OVOL2: variants seen among roughly 807,000 people sequenced by gnomAD.
OVOL2 encodes the protein transcription factor Ovo-like 2.
Under a neutral mutation model 18.1 loss-of-function variants are expected in OVOL2, and 13 were observed. The ratio of observed to expected loss-of-function variants is 0.72; its 90% confidence interval spans 0.47 to 1.14. The LOEUF is 1.14. Ranked by LOEUF, OVOL2 falls within the 50% of genes most tolerant of loss-of-function variation. The pLI is 0.00. For missense variants in OVOL2, 335 were observed against 383.0 expected (o/e 0.87, Z 1.05); for synonymous variants, 166 against 162.7 (o/e 1.02, Z -0.16).
In OVOL2 at chr20:18,056,718, G is replaced by A. The variant is rs756995088; in HGVS notation, c.260C>T (p.Ala87Val). 1 of 1,463,774 alleles carries A rather than the reference G, an allele frequency of 6.8e-7. No homozygotes were observed. The highest frequency in any genetic ancestry group is 9.0e-7 in the Non-Finnish European group (1 of 1,113,934). 90.7% of individuals were successfully genotyped at this position (1,463,774 alleles called of 1,614,324 possible). Residue 87 changes from alanine (A) to valine (V), a missense_variant, in exon 2 of 4, where the codon GCC (alanine) becomes GTC (valine). Transcript: ENST00000278780. The surrounding 1 kb of genome is among the most constrained non-coding windows in gnomAD (Gnocchi z 4.2). ...PESETPEPGD[A>V]EGPDGHLATK... Reference sequence around the variant, plus strand: ...CGCCAGGTGTCCATCGGGGCCCTCGGCGTCGCCGGGCTCGGGGGTTTCGCT... The same window carrying A: ...CGCCAGGTGTCCATCGGGGCCCTCGACGTCGCCGGGCTCGGGGGTTTCGCT...
intron 3 of OVOL2, among the ~76,000 whole-genome samples, chr20:18,038,108 C>G (rs997553143): frequency 2.0e-5 from 3 of 152,200 alleles, no homozygotes; most frequent in Non-Finnish European, 4.4e-5. Context: ...GCATGTGCCA[C>G]TTTTTCTTCT....
Position 18,053,995 on chromosome 20 carries a change from C to T in OVOL2, c.321+2662G>A, listed in dbSNP as rs543390042. Among the ~76,000 whole-genome samples, 4 of 152,308 alleles carry T rather than the reference C, an allele frequency of 2.6e-5. No individual in the cohort carries two copies. The South Asian group carries it at 8.3e-4, about 32-fold the overall frequency. On this transcript the variant is annotated intron_variant, in intron 2 of 3. Transcript: ENST00000278780. Reference sequence around the variant, plus strand: ...CCCTTCTCCCCAGCCTTCAAATCCACATCAGGACACTTTCCCCACTCAAAT... The same window carrying T: ...CCCTTCTCCCCAGCCTTCAAATCCATATCAGGACACTTTCCCCACTCAAAT...
At position 18,057,623 on chromosome 20, in the gene OVOL2, G is replaced by A; in HGVS notation, c.12C>T (p.Val4=). 6.3e-7 allele frequency: 1 copy of A among 1,586,010 alleles called. No homozygotes were observed. Among genetic ancestry groups the A allele is most frequent in the Non-Finnish European group, 8.6e-7 (1 of 1,165,700 alleles). The change falls in exon 1 of 4, where the codon GTC becomes GTT. Residue 4 remains valine (V), a synonymous_variant. Coordinates refer to ENST00000278780, the MANE Select transcript of OVOL2 (RefSeq NM_021220.4). This position sits in a 1 kb window ranked among gnomAD's most constrained non-coding sequence, Gnocchi z 6.3. MPK[V]FLVKRRSLGV... Reference sequence around the variant, plus strand: ...CCAGGCTCCTCCTCTTCACCAGGAAGACTTTGGGCATGGTGGGGTCCCCTC... The same window carrying A: ...CCAGGCTCCTCCTCTTCACCAGGAAAACTTTGGGCATGGTGGGGTCCCCTC...
chr20:18,044,859 A>T (rs2036710857), intron 2 of OVOL2, among the ~76,000 whole-genome samples: 1 of 152,150 alleles, frequency 6.6e-6, no homozygotes, highest in African/African-American at 2.4e-5. Flanking sequence ...GAAAGAGGGA[A>T]CTGTGTGTGG....
chr20:18,041,755 G>GGCA, intron 2 of OVOL2, 32 bp from the exon 3 acceptor site: 8 of 1,589,874 alleles, frequency 5.0e-6, no homozygotes, highest in Non-Finnish European at 6.0e-6. Flanking sequence ...GAGGGTCCCC[G>GGCA]GGCAGGCAGG....
In OVOL2 at chr20:18,057,798, C is replaced by T. The variant is rs542675172; in HGVS notation, c.-164G>A. On this transcript the variant is annotated 5_prime_UTR_variant, in exon 1 of 4. Transcript: ENST00000278780. The surrounding 1 kb of genome is among the most constrained non-coding windows in gnomAD (Gnocchi z 6.3). Reference sequence around the variant, plus strand: ...CCGCGGCGCGGCCCAGGCCTCTCCCCCGCACGCCTGGCGACTCCCAGCCTC... The same window carrying T: ...CCGCGGCGCGGCCCAGGCCTCTCCCTCGCACGCCTGGCGACTCCCAGCCTC... The T allele has an allele frequency of 5.2e-5, 72 of 1,375,066 alleles. No individual in the cohort carries two copies. The South Asian group carries it at 1.2e-3, about 23-fold the overall frequency. 85.2% of individuals were successfully genotyped at this position (1,375,066 alleles called of 1,614,324 possible).
At chr20:18,050,200 G>A (rs2036760422) in intron 2 of OVOL2, among the ~76,000 whole-genome samples, 1 of 152,192 alleles carries the variant, frequency 6.6e-6, no homozygotes, top group African/African-American at 2.4e-5. Flanking sequence ...ACGCTTCCCT[G>A]ACTCCCTTGC....
At chr20:18,038,972 A>G (rs1200171296) in intron 3 of OVOL2, among the ~76,000 whole-genome samples, 1 of 152,108 alleles carries the variant, frequency 6.6e-6, no homozygotes, top group Non-Finnish European at 1.5e-5. Flanking sequence ...ACCCCCACCC[A>G]ATGGCCAGCT....
chr20:18,053,701 C>CAA (rs3078037), intron 2 of OVOL2, among the ~76,000 whole-genome samples: 6 of 107,000 alleles, frequency 5.6e-5, no homozygotes, highest in East Asian at 3.1e-4. Context: ...GACTCTGTCT[C>CAA]AAAAAAAAAA....
rs528829362 is a variant in OVOL2, at chr20:18,026,930, G to A, written c.512-1978C>T. ...GATGGGACTTAAAGGTGGAACAACA[G>A]ACGCTGGGGACTACCAGAGGGCGGA... On this transcript the variant is annotated intron_variant, in intron 3 of 3. Coordinates refer to ENST00000278780, the MANE Select transcript of OVOL2 (RefSeq NM_021220.4). 9.2e-5 allele frequency among the ~76,000 whole-genome samples: 14 copies of A among 152,214 alleles called. No individual in the cohort carries two copies. In the South Asian group the frequency reaches 2.7e-3, roughly 29 times the overall value.
intron 3 of OVOL2, among the ~76,000 whole-genome samples, chr20:18,026,293 G>A (rs969139328): frequency 2.6e-5 from 4 of 152,104 alleles, no homozygotes; most frequent in African/African-American, 4.8e-5. Context: ...ACTTGCCAGA[G>A]CCTCAGAATC....
At chr20:18,052,690 G>T (rs1020570683) in intron 2 of OVOL2, among the ~76,000 whole-genome samples, 60 of 152,188 alleles carry the variant, frequency 3.9e-4, no homozygotes, top group Admixed American at 4.6e-4. Context: ...GCATACTTTT[G>T]AAAGAATCTA....
intron 3 of OVOL2, among the ~76,000 whole-genome samples, chr20:18,026,473 T>C (rs6111798): frequency 0.13 from 20,155 of 150,186 alleles, 1,526 homozygotes; most frequent in East Asian, 0.33. Context: ...GCTCCACCTC[T>C]CAGGTTCACG....
rs1409050710 is a variant in OVOL2, at chr20:18,057,673, G to A, written c.-39C>T. 6.5e-7 allele frequency: 1 copy of A among 1,535,174 alleles called. No homozygotes were observed. The highest frequency in any genetic ancestry group is 2.5e-5 in the East Asian group (1 of 39,994). On this transcript the variant is annotated 5_prime_UTR_variant, in exon 1 of 4. Coordinates refer to ENST00000278780, the MANE Select transcript of OVOL2 (RefSeq NM_021220.4). This position sits in a 1 kb window ranked among gnomAD's most constrained non-coding sequence, Gnocchi z 6.3. ...CTCCCGACTGCGGCCCCCTCCTCCC[G>A]GCTGCTCCCCGCTAGGGGCAACGGC...
intron 3 of OVOL2, among the ~76,000 whole-genome samples, chr20:18,036,875 G>A (rs1040817972): frequency 4.6e-5 from 7 of 152,246 alleles, no homozygotes; most frequent in Admixed American, 4.6e-4. Context: ...GGTGGCTCAC[G>A]CCTGTAATCC....
At chr20:18,059,106 C>G (rs2036855706), upstream of OVOL2, 1 of 152,392 alleles carries the variant, frequency 6.6e-6, no homozygotes, top group South Asian at 2.1e-4. Flanking sequence ...CCTCCGCGCT[C>G]CCAGCCTACA....
chr20:18,042,072 C>G (rs1384537267), intron 2 of OVOL2, among the ~76,000 whole-genome samples: 10 of 151,804 alleles, frequency 6.6e-5, no homozygotes, highest in African/African-American at 2.4e-4. Context: ...ACAACCACGC[C>G]TGGCTAATTT....
rs929427901 is a variant in OVOL2 at position 18,057,062 on chromosome 20, C to G, written c.101-185G>C. On this transcript the variant is annotated intron_variant, in intron 1 of 3. Transcript: ENST00000278780. This position sits in a 1 kb window ranked among gnomAD's most constrained non-coding sequence, Gnocchi z 6.3. ...GCCCACAGAGCTAGCTTGGGGTGCT[C>G]GGAGCCTCTTTCCGGTCCCAGCCAA... 6.6e-6 allele frequency among the ~76,000 whole-genome samples: 1 copy of G among 152,162 alleles called. No homozygotes were observed. Among genetic ancestry groups the G allele is most frequent in the Admixed American group, 6.5e-5 (1 of 15,288 alleles).
In OVOL2 at chr20:18,024,812, C is replaced by T; in HGVS notation, c.652G>A (p.Asp218Asn). 1 of 1,614,226 alleles carries T rather than the reference C, an allele frequency of 6.2e-7. No individual in the cohort carries two copies. The highest frequency in any genetic ancestry group is 8.5e-7 in the Non-Finnish European group (1 of 1,180,040). ...TGGGTGGGGCCCGTGTAGCCGCAAT[C>T]CTCGCAGACGTAGAGCTTGTCCCGC... ...QRRDKLYVCE[D>N]CGYTGPTQED... is the part of the protein sequence containing the mutation. The change falls in exon 4 of 4, where the codon GAT (aspartate) becomes AAT (asparagine). Residue 218 changes from aspartate (D) to asparagine (N), a missense_variant. By Grantham distance (23) the Asp-to-Asn change is conservative. Coordinates refer to ENST00000278780, the MANE Select transcript of OVOL2 (RefSeq NM_021220.4).
Sources: gnomAD v4.1 joint callset for allele counts (sites outside exome capture counted in the v4.1 genomes callset) on GRCh38, gnomAD v4.1.1 for gene constraint, Gnocchi (gnomAD v3.1) non-coding constraint, MANE v1.5 for transcripts, NCBI Gene and HGNC (gene_info 2026-07-23, HGNC 2026-07-21) for gene names.